The following COX15 variants were observed in gnomAD, a reference collection of about 807,000 sequenced individuals.
COX15 encodes the protein cytochrome c oxidase assembly factor COX15, also known as heme A synthase COX15.
A neutral mutation model predicts 51.9 loss-of-function variants in COX15; 51 were observed. The observed-to-expected ratio is 0.98, with a 90% CI of 0.78 to 1.24. The LOEUF (loss-of-function observed/expected upper bound fraction) is 1.24. Ranked by LOEUF, COX15 falls within the 50% of genes most tolerant of loss-of-function variation. COX15 has a pLI of 0.00. For synonymous variants in COX15, 188 were observed against 190.5 expected (o/e 0.99, Z 0.11); for missense variants, 420 against 501.1 (o/e 0.84, Z 1.55).
chr10:99,712,313 G>A lies in COX15; in HGVS notation c.*2274C>T, dbSNP rs375951887. The A allele has an allele frequency of 1.6e-5, 16 of 985,254 alleles. No homozygotes were observed. Among genetic ancestry groups the A allele is most frequent in the Non-Finnish European group, 1.8e-5 (15 of 829,900 alleles). The allele number at this position is 985,254 out of a possible 1,614,324, so 61.0% of individuals were successfully genotyped here. A position where few individuals can be genotyped will look rare whatever the true frequency, so the allele number is the denominator to read the frequency against. On this transcript the variant is annotated 3_prime_UTR_variant, in exon 9 of 9. Coordinates refer to ENST00000016171, the MANE Select transcript of COX15 (RefSeq NM_078470.6). ...CCTAGTTCAGAGACTAACGGGAAAC[G>A]TTAGGTCATTTATGGCTCTCAGACA... is the stretch of plus-strand genomic sequence containing the variant.
Position 99,724,131 on chromosome 10 carries a change from C to T in COX15, c.583-8G>A, listed in dbSNP as rs2036868710. ...ATACCATCCCAACAGACCCTAGAAC[C>T]CCCAAGAGATGAAGCAAACAAAACA... is the stretch of plus-strand genomic sequence containing the variant. On this transcript the variant is annotated splice_region_variant and splice_polypyrimidine_tract_variant and intron_variant, in intron 4 of 8. Transcript: ENST00000016171. The T allele has an allele frequency of 6.2e-7, 1 of 1,614,028 alleles. No homozygotes were observed. Among genetic ancestry groups the T allele is most frequent in the Non-Finnish European group, 8.5e-7 (1 of 1,180,004 alleles).
chr10:99,726,992 G>A lies in COX15; in HGVS notation c.558C>T (p.Ala186=), dbSNP rs768945635. 5.6e-6 allele frequency: 9 copies of A among 1,614,052 alleles called. No individual in the cohort carries two copies. The highest frequency in any genetic ancestry group is 7.6e-6 in the Non-Finnish European group (9 of 1,180,020). Residue 186 remains alanine, a synonymous_variant, in exon 4 of 9, where the codon GCC becomes GCT. Coordinates refer to ENST00000016171, the MANE Select transcript of COX15 (RefSeq NM_078470.6). The part of the protein sequence containing the change: ...LSRGMKGRVL[A]LCGLVCFQGL... ...CCTGGAAGCAGACGAGGCCACAGAG[G>A]GCAAGAACACGTCCTTTCATGCCAC...
downstream of COX15, chr10:99,709,661 C>T: frequency 2.0e-6 from 2 of 985,408 alleles, no homozygotes; most frequent in Non-Finnish European, 2.4e-6. Context: ...CTGTGGCACC[C>T]TGTTTGGGTG....
At chr10:99,728,277 G>T (rs2037026454) in intron 2 of COX15, among the ~76,000 whole-genome samples, 1 of 152,154 alleles carries the variant, frequency 6.6e-6, no homozygotes, top group Non-Finnish European at 1.5e-5. Flanking sequence ...CTAAAGATGG[G>T]ACAATCTGAG....
Position 99,729,566 on chromosome 10 carries a change from C to G in COX15, c.259G>C (p.Gly87Arg). The stretch of plus-strand genomic sequence containing the variant: ...CAAATTACTTACCTAGTTACTCCAC[C>G]AAGAATAACTGCTCCAGCCACTGTT... Reference protein sequence around the residue: ...SGTVAGAVILGGVTRLTESGL... With the variant: ...SGTVAGAVILRGVTRLTESGL... The change falls in exon 2 of 9, where the codon GGT (glycine) becomes CGT (arginine). Residue 87 changes from glycine to arginine, a missense_variant. By Grantham distance (125) the Gly-to-Arg change is moderately radical. Coordinates refer to ENST00000016171, the MANE Select transcript of COX15 (RefSeq NM_078470.6). 6.2e-7 allele frequency: 1 copy of G among 1,613,520 alleles called. No individual in the cohort carries two copies. Among genetic ancestry groups the G allele is most frequent in the East Asian group, 2.2e-5 (1 of 44,884 alleles).
chr10:99,700,583 ATT>A, the COX15 span, among the ~76,000 whole-genome samples: 2 of 152,164 alleles, frequency 1.3e-5, no homozygotes, highest in Non-Finnish European at 2.9e-5. Context: ...AGGAATGATT[ATT>A]TTGGTGAGAA....
intron 6 of COX15, among the ~76,000 whole-genome samples, chr10:99,718,878 CATGACTGACTCCCTT>C (rs1176849360): frequency 3.3e-5 from 5 of 152,242 alleles, no homozygotes; most frequent in African/African-American, 4.8e-5. Context: ...CAGATGTCTG[CATGACTGACTCCCTT>C]ATTTCCTCAG....
chr10:99,721,224 C>T (rs2036760127), intron 5 of COX15, among the ~76,000 whole-genome samples, 156 bp from the exon 6 acceptor site: 1 of 152,242 alleles, frequency 6.6e-6, no homozygotes, highest in African/African-American at 2.4e-5. Flanking sequence ...TCTGTTCCAA[C>T]ATGTACTGTA....
chr10:99,729,235 G>C (rs1212502074), intron 2 of COX15, among the ~76,000 whole-genome samples: 1 of 152,156 alleles, frequency 6.6e-6, no homozygotes, highest in Non-Finnish European at 1.5e-5. Context: ...GCCGAGGTGG[G>C]CAGATCACCT....
intron 1 of COX15, 63 bp downstream of exon 1, chr10:99,731,897 T>C: frequency 6.4e-7 from 1 of 1,552,554 alleles, no homozygotes; most frequent in Non-Finnish European, 8.7e-7. Flanking sequence ...CTACATTATC[T>C]TTATCCCGGC....
At position 99,711,673 on chromosome 10, in the gene COX15, GCTT is replaced by G; in HGVS notation, c.*2911_*2913del. 1 of 985,338 alleles carries G rather than the reference GCTT, an allele frequency of 1.0e-6. No individual in the cohort carries two copies. 61.0% of individuals were successfully genotyped at this position (985,338 alleles called of 1,614,324 possible). A position where few individuals can be genotyped will look rare whatever the true frequency, so the allele number is the denominator to read the frequency against. ...TGTGACTTAATTGGTCTTAGATGAGGCTTGGGCTTTGGGATTTTTCTAAGATTC... is the reference window on the plus strand; with the variant it reads ...TGTGACTTAATTGGTCTTAGATGAGGGGGCTTTGGGATTTTTCTAAGATTC... On this transcript the variant is annotated 3_prime_UTR_variant, in exon 9 of 9. Coordinates refer to ENST00000016171, the MANE Select transcript of COX15 (RefSeq NM_078470.6).
At chr10:99,709,279 C>T, downstream of COX15, 1 of 985,314 alleles carries the variant, frequency 1.0e-6, no homozygotes, top group Non-Finnish European at 1.2e-6. Context: ...TTAAACTTTT[C>T]AAATTAATTC....
the COX15 span, chr10:99,695,942 G>A: frequency 6.3e-7 from 1 of 1,598,382 alleles, no homozygotes; most frequent in Non-Finnish European, 8.5e-7. Flanking sequence ...TTTTCTCTTG[G>A]TATTGTATTA....
At chr10:99,727,341 A>C in intron 3 of COX15, 100 bp downstream of exon 3, 1 of 1,555,340 alleles carries the variant, frequency 6.4e-7, no homozygotes, top group East Asian at 2.2e-5. Flanking sequence ...AACATAACTG[A>C]ACCGAAGTTC....
At chr10:99,704,505 C>G in the COX15 span, 1 of 1,614,218 alleles carries the variant, frequency 6.2e-7, no homozygotes. Flanking sequence ...TTCCGTCTCT[C>G]CTTTGTATAC....
chr10:99,722,019 A>G (rs2036792434), intron 5 of COX15, among the ~76,000 whole-genome samples: 1 of 151,724 alleles, frequency 6.6e-6, no homozygotes. Context: ...GCGCGCCACT[A>G]TTGCCCAGCT....
In COX15 at chr10:99,732,056, G is replaced by C; in HGVS notation, c.-7C>G. The C allele has an allele frequency of 1.2e-6, 2 of 1,611,688 alleles. No homozygotes were observed. Among genetic ancestry groups the C allele is most frequent in the East Asian group, 2.2e-5 (1 of 44,834 alleles). ...GAAAGAGCAATCGCTGCATACTGAT[G>C]ACAGGGAACAGCCACCTCTTCCACA... On this transcript the variant is annotated 5_prime_UTR_variant, in exon 1 of 9. Transcript: ENST00000016171.
Position 99,713,687 on chromosome 10 carries a change from T to A in COX15, c.*900A>T. 1 of 757,712 alleles carries A rather than the reference T, an allele frequency of 1.3e-6. No individual in the cohort carries two copies. The highest frequency in any genetic ancestry group is 2.0e-6 in the Non-Finnish European group (1 of 494,388). The allele number at this position is 757,712 out of a possible 1,614,324, so 46.9% of individuals were successfully genotyped here. On this transcript the variant is annotated 3_prime_UTR_variant, in exon 9 of 9. Coordinates refer to ENST00000016171, the MANE Select transcript of COX15 (RefSeq NM_078470.6). ...TTAACAGCCTTATCAAAAGAGGAAC[T>A]AGCTGGGCGTGGTGGCCCATGCCTG...
At chr10:99,724,158 G>A (rs895855367) in intron 4 of COX15, 35 bp from the exon 5 acceptor site, 15 of 1,612,042 alleles carry the variant, frequency 9.3e-6, no homozygotes, top group African/African-American at 1.3e-5. Flanking sequence ...AACAAAACAA[G>A]GTTAAAATGA....
Sources: allele counts gnomAD v4.1 joint callset (sites outside exome capture counted in the v4.1 genomes callset), GRCh38; gene constraint gnomAD v4.1.1; transcripts MANE v1.5; gene names NCBI Gene and HGNC (gene_info 2026-07-23, HGNC 2026-07-21).